Variants in SHISA6 observed in about 807,000 individuals in gnomAD.
SHISA6 encodes the protein shisa family member 6.
In SHISA6, 22 loss-of-function variants were observed where a neutral mutation model predicts 47.9. The ratio of observed to expected loss-of-function variants is 0.46; its 90% CI spans 0.33 to 0.66. SHISA6 has a LOEUF of 0.66. Ranked by LOEUF, SHISA6 falls within the 30% of genes least tolerant of loss-of-function variation. The pLI is 0.02. For missense variants in SHISA6, 680 were observed against 764.6 expected (o/e 0.89, Z 1.30); for synonymous variants, 388 against 337.8 (o/e 1.15, Z -1.63).
intron 3 of SHISA6, among the ~76,000 whole-genome samples, chr17:11,469,157 C>T (rs990621986): frequency 5.9e-5 from 9 of 151,954 alleles, no homozygotes; most frequent in Admixed American, 5.2e-4. Context: ...TGTCCACTTC[C>T]TAATCCTCAG....
At chr17:11,455,370 CA>C (rs879600484) in intron 3 of SHISA6, among the ~76,000 whole-genome samples, 46 of 152,278 alleles carry the variant, frequency 3.0e-4, no homozygotes, top group Admixed American at 3.0e-3. Context: ...CAATGCCTGG[CA>C]CACAGCAAAC....
At chr17:11,364,247 C>A (rs569538623) in intron 2 of SHISA6, among the ~76,000 whole-genome samples, 1 of 152,320 alleles carries the variant, frequency 6.6e-6, no homozygotes, top group East Asian at 1.9e-4. Context: ...TTCCATCACC[C>A]CATAAGTTTC....
chr17:11,378,275 TC>T (rs201137912), intron 2 of SHISA6, among the ~76,000 whole-genome samples: 1 of 152,370 alleles, frequency 6.6e-6, no homozygotes, highest in East Asian at 1.9e-4. Context: ...GCACTCGTGT[TC>T]CTACTATCCA....
chr17:11,254,908 G>T (rs979913426), intron 1 of SHISA6, among the ~76,000 whole-genome samples: 1 of 152,194 alleles, frequency 6.6e-6, no homozygotes, highest in Non-Finnish European at 1.5e-5. Context: ...CAGAAATGGG[G>T]TTATAATTCT....
intron 1 of SHISA6, 149 bp downstream of exon 1, chr17:11,242,209 A>G (rs1178013135): frequency 1.8e-6 from 2 of 1,119,216 alleles, no homozygotes; most frequent in Non-Finnish European, 2.5e-6. Flanking sequence ...GCAATAAATC[A>G]GGGTCTTCTT....
intron 3 of SHISA6, among the ~76,000 whole-genome samples, chr17:11,390,025 G>C (rs2142254863): frequency 1.3e-5 from 2 of 152,302 alleles, no homozygotes; most frequent in East Asian, 3.9e-4. Flanking sequence ...GCAGAAGACT[G>C]GTGTTCTCAG....
intron 3 of SHISA6, among the ~76,000 whole-genome samples, chr17:11,494,734 A>C (rs2071394127): frequency 6.6e-6 from 1 of 152,198 alleles, no homozygotes; most frequent in Non-Finnish European, 1.5e-5. Context: ...TTGGAGGGAC[A>C]TGGACAAAGC....
Position 11,241,580 on chromosome 17 carries a change from G to C in SHISA6, c.158G>C (p.Arg53Pro), listed in dbSNP as rs1907331104. The C allele has an allele frequency of 1.1e-5, 13 of 1,131,754 alleles. No individual in the cohort carries two copies. Among genetic ancestry groups the C allele is most frequent in the South Asian group, 8.5e-5 (2 of 23,640 alleles). 70.1% of individuals were successfully genotyped at this position (1,131,754 alleles called of 1,614,324 possible). A position where few individuals can be genotyped will look rare whatever the true frequency, so the allele number is the denominator to read the frequency against. The change falls in exon 1 of 6, where the codon CGG becomes CCG. Residue 53 changes from arginine to proline, a missense_variant. By Grantham distance (103) the Arg-to-Pro change is moderately radical. Around this residue, in one of 2 missense-constraint regions of SHISA6, gnomAD observed 121 missense variants for 90.5 expected, o/e 1.34. Transcript: ENST00000441885. This position sits in a 1 kb window ranked among gnomAD's most constrained non-coding sequence, Gnocchi z 5.5. Reference protein sequence around the residue: ...GGRRAGGALARGGRELNGTAR... With the variant: ...GGRRAGGALAPGGRELNGTAR... Reference sequence around the variant, plus strand: ...CGGAGGGCCGGGGGCGCCCTGGCACGGGGCGGCCGCGAGCTGAACGGCACC... The same window carrying C: ...CGGAGGGCCGGGGGCGCCCTGGCACCGGGCGGCCGCGAGCTGAACGGCACC...
chr17:11,284,359 G>A (rs998026814), intron 2 of SHISA6, among the ~76,000 whole-genome samples: 7 of 152,224 alleles, frequency 4.6e-5, no homozygotes, highest in Non-Finnish European at 8.8e-5. Context: ...TACAGGGTTG[G>A]CTTCCATCTT....
intron 3 of SHISA6, among the ~76,000 whole-genome samples, chr17:11,381,848 G>C (rs1239174009): frequency 6.6e-6 from 1 of 152,136 alleles, no homozygotes; most frequent in Non-Finnish European, 1.5e-5. Flanking sequence ...TGCCCCTCCT[G>C]TGCGTGCATT....
chr17:11,345,032 A>G (rs948881246), intron 2 of SHISA6, among the ~76,000 whole-genome samples: 1 of 152,146 alleles, frequency 6.6e-6, no homozygotes, highest in Non-Finnish European at 1.5e-5. Context: ...AATATGCAGT[A>G]TTTAGTTTTC....
chr17:11,253,326 T>C, intron 1 of SHISA6, among the ~76,000 whole-genome samples: 1 of 136,748 alleles, frequency 7.3e-6, no homozygotes, highest in East Asian at 2.2e-4. Context: ...TTTTTTTTTT[T>C]CTTTGTCTGA....
chr17:11,556,031 A>C, intron 5 of SHISA6, 139 bp downstream of exon 5: 1 of 1,127,340 alleles, frequency 8.9e-7, no homozygotes, highest in East Asian at 2.9e-5. Flanking sequence ...ATGAGAGAAG[A>C]GAATAGACAA....
At chr17:11,476,523 T>A (rs1474449118) in intron 3 of SHISA6, among the ~76,000 whole-genome samples, 1 of 152,032 alleles carries the variant, frequency 6.6e-6, no homozygotes, top group Admixed American at 6.6e-5. Flanking sequence ...CTCTTGAGAT[T>A]TGTTTGACTC....
chr17:11,533,264 C>T (rs75423854), intron 3 of SHISA6, among the ~76,000 whole-genome samples: 548 of 152,270 alleles, frequency 3.6e-3, no homozygotes, highest in African/African-American at 0.012. Flanking sequence ...AGCTTGTCAA[C>T]GCATTTCCCT....
chr17:11,355,152 T>C (rs569150288), intron 2 of SHISA6, among the ~76,000 whole-genome samples: 2 of 152,218 alleles, frequency 1.3e-5, no homozygotes, highest in Non-Finnish European at 2.9e-5. Flanking sequence ...TCCAGGCTTC[T>C]GCAACCTAAA....
At chr17:11,296,732 G>A (rs1367659658) in intron 2 of SHISA6, among the ~76,000 whole-genome samples, 1 of 152,058 alleles carries the variant, frequency 6.6e-6, no homozygotes, top group East Asian at 1.9e-4. Flanking sequence ...GGGGCCCTAG[G>A]ACTAAGTACT....
chr17:11,483,211 G>A (rs1028804001), intron 3 of SHISA6, among the ~76,000 whole-genome samples: 2 of 151,622 alleles, frequency 1.3e-5, no homozygotes, highest in Admixed American at 1.3e-4. Flanking sequence ...TGAGGCAGGA[G>A]AATCACTTGA....
chr17:11,392,770 G>C (rs750695991), intron 3 of SHISA6, among the ~76,000 whole-genome samples: 1 of 152,310 alleles, frequency 6.6e-6, no homozygotes, highest in East Asian at 1.9e-4. Flanking sequence ...AGAAGCTTAC[G>C]CTTATGCAAT....
Sources: gnomAD v4.1 joint callset for allele counts (sites outside exome capture counted in the v4.1 genomes callset) on GRCh38, gnomAD v4.1.1 for gene constraint, gnomAD v4.1.1 regional missense constraint, Gnocchi (gnomAD v3.1) non-coding constraint, MANE v1.5 for transcripts, NCBI Gene and HGNC (gene_info 2026-07-23, HGNC 2026-07-21) for gene names.